PALM2AKAP2: variants seen among roughly 807,000 people sequenced by gnomAD.
PALM2AKAP2 encodes PALM2-AKAP2 fusion protein.
A neutral mutation model predicts 71.5 loss-of-function variants in PALM2AKAP2; 37 were observed. The ratio of observed to expected loss-of-function variants is 0.52; its 90% CI spans 0.40 to 0.68. The LOEUF is 0.68. PALM2AKAP2 is among the 30% of genes least tolerant of loss of function. The pLI, the probability that PALM2AKAP2 is intolerant of heterozygous loss-of-function variation, is 0.00. For missense variants in PALM2AKAP2, 1,224 were observed against 1,191.8 expected, an observed-to-expected ratio of 1.03 and a Z score of -0.40; for synonymous variants, 468 against 478.8, an observed-to-expected ratio of 0.98 and a Z score of 0.29.
At chr9:109,691,764 C>T (rs1827887522) in intron 1 of PALM2AKAP2, among the ~76,000 whole-genome samples, 1 of 145,498 alleles carries the variant, frequency 6.9e-6, no homozygotes, top group Non-Finnish European at 1.5e-5. Context: ...CAAATACTGC[C>T]CATAGCGGGA....
At chr9:110,046,668 A>G (rs1451045780), upstream of PALM2AKAP2, among the ~76,000 whole-genome samples, 2 of 152,034 alleles carry the variant, frequency 1.3e-5, no homozygotes, top group Non-Finnish European at 2.9e-5. Flanking sequence ...AGGTTTCTCT[A>G]TGTTGGTCAG....
At chr9:109,683,251 C>T (rs1213663975) in intron 1 of PALM2AKAP2, among the ~76,000 whole-genome samples, 2 of 152,116 alleles carry the variant, frequency 1.3e-5, no homozygotes, top group African/African-American at 4.8e-5. Context: ...TTATAAATTA[C>T]CCAATTTCAG....
At chr9:109,871,220 C>G (rs1829595887) in intron 2 of PALM2AKAP2, among the ~76,000 whole-genome samples, 1 of 152,172 alleles carries the variant, frequency 6.6e-6, no homozygotes, top group African/African-American at 2.4e-5. Context: ...GTGAGCAACT[C>G]TACAAAATGG....
At chr9:109,768,034 A>AGGG (rs1829189171) in intron 1 of PALM2AKAP2, among the ~76,000 whole-genome samples, 2 of 61,618 alleles carry the variant, frequency 3.2e-5, no homozygotes, top group African/African-American at 1.9e-4. Flanking sequence ...GGAAGGAAAG[A>AGGG]AAAAGAGGGA....
chr9:110,156,453 G>A, exon 3 of PALM2AKAP2: 2 of 1,611,858 alleles, frequency 1.2e-6, no homozygotes, highest in Non-Finnish European at 1.7e-6. Context: ...GGAAGACTAT[G>A]AGACACACAA....
At chr9:109,671,014 G>C (rs181445043) in intron 1 of PALM2AKAP2, among the ~76,000 whole-genome samples, 68 of 152,256 alleles carry the variant, frequency 4.5e-4, no homozygotes, top group African/African-American at 1.5e-3. Context: ...ATTTATGCTG[G>C]ATATTAGACC....
chr9:110,066,375 T>C (rs1291616026), intron 1 of PALM2AKAP2, among the ~76,000 whole-genome samples: 2 of 152,138 alleles, frequency 1.3e-5, no homozygotes, highest in African/African-American at 4.8e-5. Context: ...ACTTACCTCA[T>C]AGAGTTGTTG....
At chr9:109,718,652 T>C (rs898594271) in intron 1 of PALM2AKAP2, among the ~76,000 whole-genome samples, 5 of 152,176 alleles carry the variant, frequency 3.3e-5, no homozygotes, top group Non-Finnish European at 7.3e-5. Flanking sequence ...ATATGCCCCT[T>C]GCCTAGTTTC....
chr9:109,782,015 C>T (rs894355043), intron 1 of PALM2AKAP2, among the ~76,000 whole-genome samples: 3 of 152,170 alleles, frequency 2.0e-5, no homozygotes, highest in Non-Finnish European at 2.9e-5. Flanking sequence ...AGTGGCTGTT[C>T]CCATTGGCTG....
intron 1 of PALM2AKAP2, among the ~76,000 whole-genome samples, chr9:109,771,076 A>G (rs1829253544): frequency 6.6e-6 from 1 of 152,226 alleles, no homozygotes; most frequent in African/African-American, 2.4e-5. Flanking sequence ...ACATGCAAAC[A>G]ATGATCATGG....
chr9:109,665,209 G>A (rs1471379211), intron 1 of PALM2AKAP2, among the ~76,000 whole-genome samples: 2 of 152,096 alleles, frequency 1.3e-5, no homozygotes, highest in African/African-American at 2.4e-5. Context: ...GTCATTCTCC[G>A]TCCATCTTTG....
In PALM2AKAP2 at chr9:110,091,655, G is replaced by A. The variant is rs556422641; in HGVS notation, c.156+42800G>A. Among the ~76,000 whole-genome samples, 47 of 151,834 alleles carry A rather than the reference G, an allele frequency of 3.1e-4. 1 individual carries two copies. The East Asian group carries it at 7.2e-3, about 23-fold the overall frequency. On this transcript the variant is annotated intron_variant, in intron 1 of 3. Coordinates refer to ENST00000374525, the Ensembl canonical transcript of PALM2AKAP2. Reference sequence around the variant, plus strand: ...TTTTTTGTATTTTTAGTAGAGATGGGGTTTCACCGTGTTAGCCAGGATGGT... The same window carrying A: ...TTTTTTGTATTTTTAGTAGAGATGGAGTTTCACCGTGTTAGCCAGGATGGT...
intron 1 of PALM2AKAP2, 25 bp from the exon 2 acceptor site, chr9:109,867,466 C>CA (rs773748146): frequency 1.9e-6 from 3 of 1,608,976 alleles, no homozygotes; most frequent in Non-Finnish European, 2.5e-6. Context: ...CCCACTCTTA[C>CA]AGCCTCTGTC....
intron 1 of PALM2AKAP2, among the ~76,000 whole-genome samples, chr9:109,842,918 A>T (rs1828740842): frequency 6.6e-6 from 1 of 152,046 alleles, no homozygotes; most frequent in South Asian, 2.1e-4. Context: ...ATGAGGGCGG[A>T]TCACCTGAGG....
intron 1 of PALM2AKAP2, among the ~76,000 whole-genome samples, chr9:109,669,090 T>C (rs1283271256): frequency 5.9e-5 from 9 of 152,198 alleles, no homozygotes; most frequent in Non-Finnish European, 1.0e-4. Context: ...AACTCACCTA[T>C]ACTTTAGGGA....
At chr9:109,818,021 G>A (rs545089562) in intron 1 of PALM2AKAP2, among the ~76,000 whole-genome samples, 1 of 152,282 alleles carries the variant, frequency 6.6e-6, no homozygotes, top group African/African-American at 2.4e-5. Context: ...TACATTAAGC[G>A]CAGTCTTCCC....
At chr9:110,137,944 G>C (rs762558016) in exon 2 of PALM2AKAP2, 1 of 1,614,194 alleles carries the variant, frequency 6.2e-7, no homozygotes, top group Non-Finnish European at 8.5e-7. Flanking sequence ...TGGAGTATCA[G>C]GCTGGCCTCC....
intron 3 of PALM2AKAP2, among the ~76,000 whole-genome samples, chr9:109,917,484 C>CTT (rs59106508): frequency 0.12 from 12,893 of 111,310 alleles, 903 homozygotes; most frequent in East Asian, 0.25. Context: ...CGCTCCTTTC[C>CTT]TTTTTTTTTT....
chr9:110,015,840 T>A (rs1464763029), intron 6 of PALM2AKAP2, 114 bp from the exon 7 acceptor site: 2 of 947,840 alleles, frequency 2.1e-6, no homozygotes, highest in Non-Finnish European at 3.3e-6. Flanking sequence ...GAGCTATAGG[T>A]CATCATCAGC....
Sources: gnomAD v4.1 joint callset for allele counts (sites outside exome capture counted in the v4.1 genomes callset) on GRCh38, gnomAD v4.1.1 for gene constraint, MANE v1.5 for transcripts, NCBI Gene and HGNC (gene_info 2026-07-23, HGNC 2026-07-21) for gene names.